The following PDPN variants were observed in gnomAD, a reference collection of about 807,000 sequenced individuals.
PDPN encodes the protein PA2.26 antigen.
PDPN carries 12 observed loss-of-function variants against 23.2 expected under a neutral mutation model. The observed-to-expected ratio is 0.52, with a 90% confidence interval of 0.33 to 0.84. PDPN has a LOEUF of 0.84. Ranked by LOEUF, PDPN falls within the 40% of genes least tolerant of loss-of-function variation. The pLI, the probability that PDPN is intolerant of heterozygous loss-of-function variation, is 0.02. For synonymous variants in PDPN, 77 were observed against 76.7 expected (o/e 1.00, Z -0.02); for missense variants, 199 against 212.2 (o/e 0.94, Z 0.39).
At chr1:13,586,284 AGTT>A (rs1400364508) in intron 1 of PDPN, among the ~76,000 whole-genome samples, 2 of 152,218 alleles carry the variant, frequency 1.3e-5, no homozygotes, top group Middle Eastern at 6.8e-3. Flanking sequence ...AATCCTCATG[AGTT>A]GTTAAGAGTT....
intron 1 of PDPN, among the ~76,000 whole-genome samples, chr1:13,585,268 C>T (rs959604917): frequency 6.6e-6 from 1 of 152,126 alleles, no homozygotes; most frequent in Non-Finnish European, 1.5e-5. Flanking sequence ...ACCTGGCCTC[C>T]TACAATGGTC....
chr1:13,611,164 T>C (rs2100279386), intron 3 of PDPN, among the ~76,000 whole-genome samples: 1 of 151,380 alleles, frequency 6.6e-6, no homozygotes, highest in Non-Finnish European at 1.5e-5. Flanking sequence ...GAGCTTACAG[T>C]GAGCCCAGAT....
rs563800603 is a variant in PDPN at position 13,615,289 on chromosome 1, T to A, written c.483-616T>A. Among the ~76,000 whole-genome samples the A allele has an allele frequency of 5.5e-3, 628 of 114,178 alleles. 1 individual carries two copies. The highest frequency in any genetic ancestry group is 0.01 in the Admixed American group (129 of 12,372). 74.9% of individuals were successfully genotyped at this position (114,178 alleles called of 152,430 possible). The stretch of plus-strand genomic sequence containing the variant: ...GGAAACCTTTTTCTTTCTCTTTCTT[T>A]TTCTTTTTCTTTTTTTTTGAGACAG... On this transcript the variant is annotated intron_variant, in intron 5 of 5. Transcript: ENST00000621990.
intron 5 of PDPN, chr1:13,614,908 C>T (rs551522406): frequency 1.3e-5 from 6 of 479,498 alleles, no homozygotes; most frequent in South Asian, 9.4e-5. Flanking sequence ...CCAGAGGTGG[C>T]TTGTAAGTTG....
In PDPN at chr1:13,616,479, C is replaced by T. The variant is rs958227355; in HGVS notation, c.*568C>T. Reference sequence around the variant, plus strand: ...CTAAACTTGGATAACACGTGGTGAACAACTGCCTTTAGCTGGTCCAGATTA... The same window carrying T: ...CTAAACTTGGATAACACGTGGTGAATAACTGCCTTTAGCTGGTCCAGATTA... On this transcript the variant is annotated 3_prime_UTR_variant, in exon 6 of 6. Transcript: ENST00000621990. 1 of 154,822 alleles carries T rather than the reference C, an allele frequency of 6.5e-6. No homozygotes were observed. The highest frequency in any genetic ancestry group is 2.4e-5 in the African/African-American group (1 of 41,458). 9.6% of individuals were successfully genotyped at this position (154,822 alleles called of 1,614,324 possible).
chr1:13,592,727 T>C (rs1640381404), intron 1 of PDPN, among the ~76,000 whole-genome samples: 1 of 152,094 alleles, frequency 6.6e-6, no homozygotes, highest in Non-Finnish European at 1.5e-5. Flanking sequence ...TTTTGTATTT[T>C]TTAGTAGAGT....
At chr1:13,605,675 T>C (rs541251605) in intron 1 of PDPN, among the ~76,000 whole-genome samples, 1 of 152,160 alleles carries the variant, frequency 6.6e-6, no homozygotes. Context: ...CAGGTTGGAG[T>C]GCAGTGGTGT....
At chr1:13,609,933 G>C (rs1225784376) in intron 2 of PDPN, among the ~76,000 whole-genome samples, 2 of 151,950 alleles carry the variant, frequency 1.3e-5, no homozygotes, top group Admixed American at 6.6e-5. Context: ...GTGTGGTGGC[G>C]GGCGCCTGTA....
At chr1:13,594,652 T>C (rs942466380) in intron 1 of PDPN, among the ~76,000 whole-genome samples, 7 of 152,018 alleles carry the variant, frequency 4.6e-5, no homozygotes, top group African/African-American at 1.7e-4. Context: ...CATTGTCAGC[T>C]AAAAAATGAG....
chr1:13,603,617 C>A (rs1030702733), intron 1 of PDPN, among the ~76,000 whole-genome samples: 48 of 149,276 alleles, frequency 3.2e-4, no homozygotes, highest in African/African-American at 1.1e-3. Context: ...AAGACAGAGT[C>A]TCACTTTGCC....
At chr1:13,600,452 C>G (rs556845677) in intron 1 of PDPN, among the ~76,000 whole-genome samples, 4 of 152,000 alleles carry the variant, frequency 2.6e-5, no homozygotes, top group African/African-American at 9.7e-5. Context: ...ACTACAGCCT[C>G]TGCCTCGGTT....
intron 3 of PDPN, among the ~76,000 whole-genome samples, chr1:13,611,031 C>T (rs1227167091): frequency 2.6e-5 from 4 of 151,942 alleles, no homozygotes; most frequent in African/African-American, 9.7e-5. Flanking sequence ...ACCATCCTGG[C>T]TAACACGGTG....
chr1:13,614,873 A>C (rs375689569), intron 5 of PDPN: 114 of 504,444 alleles, frequency 2.3e-4, no homozygotes, highest in Admixed American at 3.6e-4. Flanking sequence ...AGACCTTATA[A>C]ATTTCCAAAA....
chr1:13,586,298 T>C (rs1640176734), intron 1 of PDPN, among the ~76,000 whole-genome samples: 1 of 152,164 alleles, frequency 6.6e-6, no homozygotes. Flanking sequence ...GTTAAGAGTT[T>C]TTGTTGCACT....
At chr1:13,586,580 A>G (rs1289121323) in intron 1 of PDPN, among the ~76,000 whole-genome samples, 1 of 152,106 alleles carries the variant, frequency 6.6e-6, no homozygotes, top group Non-Finnish European at 1.5e-5. Context: ...GGTCAGGCCA[A>G]AGGACACAAC....
chr1:13,605,089 A>G (rs1467013460), intron 1 of PDPN, among the ~76,000 whole-genome samples: 1 of 152,252 alleles, frequency 6.6e-6, no homozygotes, highest in Non-Finnish European at 1.5e-5. Context: ...CTAACTTCAG[A>G]GGCTTCCTCT....
intron 1 of PDPN, among the ~76,000 whole-genome samples, chr1:13,592,048 A>T (rs770302638): frequency 6.6e-6 from 1 of 152,062 alleles, no homozygotes; most frequent in Non-Finnish European, 1.5e-5. Flanking sequence ...TTCAATTTGC[A>T]TTTTCCTAAT....
rs1046236900 is a variant in PDPN, at chr1:13,584,018, C to T, written c.-16C>T. 6.2e-7 allele frequency: 1 copy of T among 1,613,522 alleles called. No individual in the cohort carries two copies. Among genetic ancestry groups the T allele is most frequent in the South Asian group, 1.1e-5 (1 of 91,082 alleles). On this transcript the variant is annotated 5_prime_UTR_variant, in exon 1 of 6. Coordinates refer to ENST00000621990, the MANE Select transcript of PDPN (RefSeq NM_006474.5). Reference sequence around the variant, plus strand: ...TGCTGCTCGGCCCCCAGGAGAGCAACAACTCAACGGGAACGATGTGGAAGG... The same window carrying T: ...TGCTGCTCGGCCCCCAGGAGAGCAATAACTCAACGGGAACGATGTGGAAGG...
chr1:13,603,403 T>C (rs1640698401), intron 1 of PDPN, among the ~76,000 whole-genome samples: 1 of 151,990 alleles, frequency 6.6e-6, no homozygotes, highest in African/African-American at 2.4e-5. Flanking sequence ...ACAAAAGAAA[T>C]GCCATCCTGT....
Sources: gnomAD v4.1 joint callset for allele counts (sites outside exome capture counted in the v4.1 genomes callset) on GRCh38, gnomAD v4.1.1 for gene constraint, MANE v1.5 for transcripts, NCBI Gene and HGNC (gene_info 2026-07-23, HGNC 2026-07-21) for gene names.